The following DLC1 variants were observed in gnomAD, a reference collection of about 807,000 sequenced individuals.
DLC1 encodes DLC1 Rho GTPase activating protein.
A neutral mutation model predicts 140.3 loss-of-function variants in DLC1; 54 were observed. The ratio of observed to expected loss-of-function variants is 0.38; its 90% confidence interval spans 0.31 to 0.48. The LOEUF (loss-of-function observed/expected upper bound fraction) is 0.48, where lower values mean the gene tolerates loss of function less well. Ranked by LOEUF, DLC1 falls within the 20% of genes least tolerant of loss-of-function variation. DLC1 has a pLI of 0.96. For synonymous variants in DLC1, 986 were observed against 728.1 expected (o/e 1.35, Z -5.70); for missense variants, 2,536 against 1,907.0 (o/e 1.33, Z -6.14).
chr8:13,603,197 T>G (rs1344793196), intron 1 of DLC1, among the ~76,000 whole-genome samples: 2 of 151,878 alleles, frequency 1.3e-5, no homozygotes, highest in African/African-American at 4.8e-5. Flanking sequence ...TCCATTTCTA[T>G]GTAGTGTTTC....
intron 5 of DLC1, among the ~76,000 whole-genome samples, chr8:13,276,081 A>G (rs1586055800): frequency 6.6e-6 from 1 of 152,298 alleles, no homozygotes; most frequent in Admixed American, 6.5e-5. Context: ...AAAAATCTCA[A>G]CACTCCATCA....
At chr8:13,257,479 A>G (rs1372269675) in intron 5 of DLC1, among the ~76,000 whole-genome samples, 1 of 150,872 alleles carries the variant, frequency 6.6e-6, no homozygotes, top group Non-Finnish European at 1.5e-5. Context: ...TGACATGTGC[A>G]TTGAACAAGT....
chr8:13,114,721 G>A (rs1369381534), intron 6 of DLC1, among the ~76,000 whole-genome samples: 2 of 152,174 alleles, frequency 1.3e-5, no homozygotes, highest in Non-Finnish European at 2.9e-5. Context: ...AGCATAATGT[G>A]AGCAAACAAA....
At chr8:13,338,052 A>C (rs1833880973) in intron 4 of DLC1, among the ~76,000 whole-genome samples, 3 of 152,200 alleles carry the variant, frequency 2.0e-5, no homozygotes, top group Admixed American at 2.0e-4. Flanking sequence ...AGTTAAATGG[A>C]GAGTTTTCCT....
At chr8:13,599,381 A>G (rs1443368726) in intron 1 of DLC1, among the ~76,000 whole-genome samples, 1 of 151,990 alleles carries the variant, frequency 6.6e-6, no homozygotes, top group Non-Finnish European at 1.5e-5. Context: ...TGTACAAATC[A>G]ATATCTATGG....
intron 4 of DLC1, among the ~76,000 whole-genome samples, chr8:13,367,383 C>A (rs1041915852): frequency 6.6e-6 from 1 of 152,164 alleles, no homozygotes; most frequent in Non-Finnish European, 1.5e-5. Flanking sequence ...GTAGTACAGA[C>A]AGCCTCCTGT....
intron 1 of DLC1, among the ~76,000 whole-genome samples, chr8:13,507,705 A>T (rs1440083792): frequency 1.3e-5 from 2 of 152,202 alleles, no homozygotes; most frequent in Admixed American, 6.5e-5. Context: ...TTTATTGGCA[A>T]ATTGCTTAAT....
intron 2 of DLC1, among the ~76,000 whole-genome samples, chr8:13,430,138 G>A (rs1838794368): frequency 6.6e-6 from 1 of 152,126 alleles, no homozygotes; most frequent in East Asian, 1.9e-4. Flanking sequence ...TAGTCCAAAG[G>A]AAAGCCAAGG....
chr8:13,436,697 C>T (rs527476118), intron 2 of DLC1, among the ~76,000 whole-genome samples: 2 of 152,222 alleles, frequency 1.3e-5, no homozygotes, highest in East Asian at 1.9e-4. Flanking sequence ...TGCTCTACTG[C>T]CTTGTGTTTT....
At chr8:13,566,858 G>A in intron 1 of DLC1, 1 of 1,168,340 alleles carries the variant, frequency 8.6e-7, no homozygotes, top group Non-Finnish European at 1.2e-6. Flanking sequence ...AGCTGGGAAG[G>A]CGTCTCCCGG....
chr8:13,539,086 C>T (rs999364738), intron 1 of DLC1, among the ~76,000 whole-genome samples: 1 of 152,144 alleles, frequency 6.6e-6, no homozygotes, highest in Admixed American at 6.5e-5. Flanking sequence ...AATAATTTCA[C>T]ATTCTCCTAT....
intron 5 of DLC1, chr8:13,132,979 A>C (rs1822247903): frequency 1.2e-6 from 2 of 1,611,198 alleles, no homozygotes; most frequent in East Asian, 2.2e-5. Context: ...CTTTCTGCAC[A>C]TCAAGCACGG....
intron 3 of DLC1, 37 bp downstream of exon 3, chr8:13,401,433 C>T: frequency 6.2e-7 from 1 of 1,607,308 alleles, no homozygotes; most frequent in Non-Finnish European, 8.5e-7. Context: ...AGAGTTACGA[C>T]TCCTATGGGA....
At chr8:13,307,545 C>A (rs568082814) in intron 4 of DLC1, among the ~76,000 whole-genome samples, 2 of 152,084 alleles carry the variant, frequency 1.3e-5, no homozygotes, top group Non-Finnish European at 2.9e-5. Flanking sequence ...TAAATTTACC[C>A]CTGATTGGGG....
chr8:13,270,497 A>T (rs374727294), intron 5 of DLC1, among the ~76,000 whole-genome samples: 1 of 152,092 alleles, frequency 6.6e-6, no homozygotes, highest in Non-Finnish European at 1.5e-5. Context: ...CTATACAGCA[A>T]TTTTCAAAGC....
chr8:13,556,367 T>A (rs1804045530), intron 1 of DLC1, among the ~76,000 whole-genome samples: 1 of 152,076 alleles, frequency 6.6e-6, no homozygotes, highest in African/African-American at 2.4e-5. Context: ...TCCTAGAAAA[T>A]ATTGATGTCT....
chr8:13,592,241 C>T (rs1169450700), intron 1 of DLC1, among the ~76,000 whole-genome samples: 2 of 152,028 alleles, frequency 1.3e-5, no homozygotes, highest in East Asian at 1.9e-4. Context: ...AAGTATTCTG[C>T]CTCCTTCCCT....
Position 13,098,512 on chromosome 8 carries a change from T to C in DLC1, c.3054A>G (p.Leu1018=). Residue 1018 remains leucine (L), a synonymous_variant, in exon 10 of 18, where the codon CTA becomes CTG. Transcript: ENST00000276297. The stretch of plus-strand genomic sequence containing the variant: ...GGGCCACAGACTGGCAGTTAATCTG[T>C]AGTGATACAGAGTTGAGGCTTGGCC... ...SHRPSLNSVS[L]QINCQSVAQM... is the part of the protein sequence containing the mutation. The C allele has an allele frequency of 1.2e-6, 2 of 1,614,146 alleles. No individual in the cohort carries two copies. Among genetic ancestry groups the C allele is most frequent in the South Asian group, 1.1e-5 (1 of 91,084 alleles).
intron 4 of DLC1, among the ~76,000 whole-genome samples, chr8:13,347,685 G>C (rs552560305): frequency 6.6e-6 from 1 of 152,296 alleles, no homozygotes; most frequent in South Asian, 2.1e-4. Context: ...AACAAATTGG[G>C]AAAGATGGAC....
Sources: allele counts gnomAD v4.1 joint callset (sites outside exome capture counted in the v4.1 genomes callset), GRCh38; gene constraint gnomAD v4.1.1; transcripts MANE v1.5; gene names NCBI Gene and HGNC (gene_info 2026-07-23, HGNC 2026-07-21).